Variants in LUC7L3 observed in about 807,000 individuals in gnomAD.
The protein encoded by LUC7L3 is LUC7 like 3 pre-mRNA splicing factor, also known as luc7-like protein 3.
A neutral mutation model predicts 66.8 loss-of-function variants in LUC7L3; 6 were observed. That is an observed-to-expected ratio of 0.09 (90% CI 0.05 to 0.18). LUC7L3 has a LOEUF of 0.18. LUC7L3 is among the 10% of genes least tolerant of loss of function. The pLI, the probability that LUC7L3 is intolerant of heterozygous loss-of-function variation, is 1.00. For missense variants in LUC7L3, 341 were observed against 531.1 expected (o/e 0.64, Z 3.52); for synonymous variants, 160 against 174.7 (o/e 0.92, Z 0.66).
Position 50,745,997 on chromosome 17 carries a change from G to A in LUC7L3, c.971G>A (p.Arg324Gln), listed in dbSNP as rs1276192449. 7 of 1,597,456 alleles carry A rather than the reference G, an allele frequency of 4.4e-6. No homozygotes were observed. Among genetic ancestry groups the A allele is most frequent in the East Asian group, 4.5e-5 (2 of 44,822 alleles). Residue 324 changes from arginine (R) to glutamine (Q), a missense_variant, in exon 8 of 10, where the codon CGG becomes CAG. This residue lies in a region of LUC7L3 where 210 missense variants were observed against 238.1 expected (regional missense o/e 0.88). Coordinates refer to ENST00000505658, the MANE Select transcript of LUC7L3 (RefSeq NM_016424.5). ...AGGTCACGAAGTAGAGAAAGAAGGCGGAGCAGGTATATATAAAACACCCTA... is the reference window on the plus strand; with the variant it reads ...AGGTCACGAAGTAGAGAAAGAAGGCAGAGCAGGTATATATAAAACACCCTA... ...HKRSRSRERR[R>Q]SRSRDRRRSR... is the part of the protein sequence containing the mutation.
chr17:50,743,075 A>T (rs2146759013), intron 5 of LUC7L3, among the ~76,000 whole-genome samples: 1 of 152,284 alleles, frequency 6.6e-6, no homozygotes, highest in Non-Finnish European at 1.5e-5. Flanking sequence ...TGTGTTTAGG[A>T]TTCAGGCTGG....
chr17:50,728,007 A>G (rs377210078), intron 1 of LUC7L3, among the ~76,000 whole-genome samples: 7 of 151,320 alleles, frequency 4.6e-5, no homozygotes, highest in Admixed American at 3.3e-4. Flanking sequence ...AGCCCCAGCT[A>G]CTCGAGAGGC....
intron 1 of LUC7L3, chr17:50,723,688 T>G (rs1968954825): frequency 6.0e-6 from 1 of 165,888 alleles, no homozygotes; most frequent in Non-Finnish European, 1.2e-5. Flanking sequence ...AGAGTCTAGC[T>G]CTGTCACCCA....
chr17:50,721,389 T>A (rs772723358), intron 1 of LUC7L3, among the ~76,000 whole-genome samples: 4 of 152,192 alleles, frequency 2.6e-5, no homozygotes, highest in Non-Finnish European at 4.4e-5. Flanking sequence ...TGTGATGGGT[T>A]TATGACTCTT....
At chr17:50,742,096 A>C (rs906114283) in intron 5 of LUC7L3, among the ~76,000 whole-genome samples, 6 of 147,180 alleles carry the variant, frequency 4.1e-5, no homozygotes, top group Admixed American at 4.1e-4. Context: ...GTGTGTGTAC[A>C]TGTACATATA....
chr17:50,721,896 A>T (rs1968793857), intron 1 of LUC7L3, among the ~76,000 whole-genome samples: 1 of 150,776 alleles, frequency 6.6e-6, no homozygotes, highest in African/African-American at 2.4e-5. Context: ...TTTCAGCTGG[A>T]TGGGGCCCTT....
At chr17:50,732,094 G>T (rs1486881156) in intron 1 of LUC7L3, among the ~76,000 whole-genome samples, 1 of 152,152 alleles carries the variant, frequency 6.6e-6, no homozygotes, top group Non-Finnish European at 1.5e-5. Flanking sequence ...GCTTCAGAAG[G>T]CATGTGTAGG....
chr17:50,728,459 G>C (rs1242218852), intron 1 of LUC7L3, among the ~76,000 whole-genome samples: 1 of 150,430 alleles, frequency 6.6e-6, no homozygotes, highest in South Asian at 2.1e-4. Context: ...TGAACTCTTA[G>C]GTAAAAAAAA....
chr17:50,735,920 G>A (rs938624025), intron 1 of LUC7L3, among the ~76,000 whole-genome samples: 14 of 152,210 alleles, frequency 9.2e-5, no homozygotes, highest in African/African-American at 3.4e-4. Context: ...ATCACTTGAG[G>A]TCAGGAGTTC....
chr17:50,749,424 T>C, intron 9 of LUC7L3: 1 of 1,153,386 alleles, frequency 8.7e-7, no homozygotes, highest in African/African-American at 1.6e-5. Flanking sequence ...CTTAACTACT[T>C]GGACATTGCT....
At position 50,751,636 on chromosome 17, in the gene LUC7L3, A is replaced by G. The variant is rs139907747; in HGVS notation, c.*975A>G. 1,275 of 1,121,354 alleles carry G rather than the reference A, an allele frequency of 1.1e-3. 12 individuals are homozygous for G. In the African/African-American group the frequency reaches 0.019, roughly 17 times the overall value. The allele number at this position is 1,121,354 out of a possible 1,614,324, so 69.5% of individuals were successfully genotyped here. On this transcript the variant is annotated 3_prime_UTR_variant, in exon 10 of 10. Transcript: ENST00000505658. ...CATATTATTCGCCTTGTTACACTCA[A>G]TGCAATTCTCAAGTCTATAAGAGGT... is the stretch of plus-strand genomic sequence containing the variant.
chr17:50,749,563 T>TA (rs1243269118), intron 9 of LUC7L3, among the ~76,000 whole-genome samples: 1 of 152,370 alleles, frequency 6.6e-6, no homozygotes, highest in South Asian at 2.1e-4. Context: ...TATTTGGTGT[T>TA]ACGTCTTCAT....
intron 1 of LUC7L3, among the ~76,000 whole-genome samples, chr17:50,725,407 T>C (rs1969112851): frequency 6.6e-6 from 1 of 152,084 alleles, no homozygotes; most frequent in African/African-American, 2.4e-5. Flanking sequence ...CAAGACTCCA[T>C]TTCAAAAAAA....
intron 1 of LUC7L3, chr17:50,723,482 T>C (rs1192315164): frequency 3.9e-5 from 6 of 152,448 alleles, no homozygotes; most frequent in Non-Finnish European, 7.3e-5. Flanking sequence ...TTAAAAATGT[T>C]CAGAATTTGG....
At chr17:50,733,047 A>G (rs1178103550) in intron 1 of LUC7L3, among the ~76,000 whole-genome samples, 2 of 152,366 alleles carry the variant, frequency 1.3e-5, no homozygotes, top group South Asian at 2.1e-4. Context: ...TCTGAGGATC[A>G]TAGACGTTGT....
intron 1 of LUC7L3, among the ~76,000 whole-genome samples, chr17:50,731,113 G>T (rs1021855619): frequency 2.0e-5 from 3 of 152,138 alleles, no homozygotes; most frequent in African/African-American, 7.2e-5. Context: ...AAGACTGCTG[G>T]TATTCCAAAA....
At chr17:50,723,876 C>T (rs746704384) in intron 1 of LUC7L3, 4 of 423,454 alleles carry the variant, frequency 9.4e-6, no homozygotes, top group Admixed American at 5.1e-5. Context: ...CTCAAGTGAT[C>T]GGTCCGCCTC....
At chr17:50,749,408 C>A in intron 9 of LUC7L3, 1 of 1,215,700 alleles carries the variant, frequency 8.2e-7, no homozygotes, top group Non-Finnish European at 1.1e-6. Flanking sequence ...TGAAGCAAGT[C>A]TTGCGCTTAA....
chr17:50,751,835 A>T lies in LUC7L3; in HGVS notation c.*1174A>T. The T allele has an allele frequency of 9.9e-7, 1 of 1,007,848 alleles. No homozygotes were observed. Among genetic ancestry groups the T allele is most frequent in the Non-Finnish European group, 1.2e-6 (1 of 843,488 alleles). The allele number at this position is 1,007,848 out of a possible 1,614,324, so 62.4% of individuals were successfully genotyped here. On this transcript the variant is annotated 3_prime_UTR_variant, in exon 10 of 10. Coordinates refer to ENST00000505658, the MANE Select transcript of LUC7L3 (RefSeq NM_016424.5). ...CTATATAGAACGAATTTGGGTTTTTAAAGAAATATTAAAAGTTAGGTACTG... is the reference window on the plus strand; with the variant it reads ...CTATATAGAACGAATTTGGGTTTTTTAAGAAATATTAAAAGTTAGGTACTG...
Sources: gnomAD v4.1 joint callset for allele counts (sites outside exome capture counted in the v4.1 genomes callset) on GRCh38, gnomAD v4.1.1 for gene constraint, gnomAD v4.1.1 regional missense constraint, MANE v1.5 for transcripts, NCBI Gene and HGNC (gene_info 2026-07-23, HGNC 2026-07-21) for gene names.